INSR: variants seen among roughly 807,000 people sequenced by gnomAD.
The protein encoded by INSR is IR.
In INSR, 67 loss-of-function variants were observed where a neutral mutation model predicts 142.6. The ratio of observed to expected loss-of-function variants is 0.47; its 90% CI spans 0.39 to 0.58. The LOEUF (loss-of-function observed/expected upper bound fraction) is 0.58. Ranked by LOEUF, INSR falls within the 20% of genes least tolerant of loss-of-function variation. The pLI is 0.00. For synonymous variants in INSR, 756 were observed against 743.1 expected, an observed-to-expected ratio of 1.02 and a Z score of -0.28; for missense variants, 1,248 against 1,833.2, an observed-to-expected ratio of 0.68 and a Z score of 5.83.
chr19:7,157,501 G>A (rs906348798), intron 9 of INSR, among the ~76,000 whole-genome samples: 117 of 144,996 alleles, frequency 8.1e-4, no homozygotes, highest in African/African-American at 2.9e-3. Flanking sequence ...GAGCTCGAAC[G>A]ATCTGCCCGC....
Position 7,234,709 on chromosome 19 carries a change from A to T in INSR, c.652+32636T>A, listed in dbSNP as rs371286107. Among the ~76,000 whole-genome samples the T allele has an allele frequency of 2.3e-4, 35 of 152,242 alleles. 1 individual carries two copies. Among genetic ancestry groups the T allele is most frequent in the African/African-American group, 8.4e-4 (35 of 41,558 alleles). On this transcript the variant is annotated intron_variant, in intron 2 of 21. Coordinates refer to ENST00000302850, the MANE Select transcript of INSR (RefSeq NM_000208.4). ...GGATCTAAGGAGGAGATTTCAAAAC[A>T]CTGCTTTTCATATCCTCCCATCATG...
At chr19:7,161,652 C>T (rs575626408) in intron 9 of INSR, among the ~76,000 whole-genome samples, 27 of 152,148 alleles carry the variant, frequency 1.8e-4, no homozygotes, top group Non-Finnish European at 3.5e-4. Flanking sequence ...AAATCCTTCC[C>T]TGACTTTGTC....
At chr19:7,140,270 C>T (rs1350563582) in intron 13 of INSR, among the ~76,000 whole-genome samples, 1 of 152,176 alleles carries the variant, frequency 6.6e-6, no homozygotes, top group Non-Finnish European at 1.5e-5. Flanking sequence ...AGACATTTTG[C>T]TGTAATCTCT....
rs747674645 is a variant in INSR at position 7,125,021 on chromosome 19, G to T, written c.3258+262C>A. ...AGAAAATGATGGAAGATTCCAGAAA[G>T]TGATGAAAGATTCTGGAAAGCAATG... is the stretch of plus-strand genomic sequence containing the variant. On this transcript the variant is annotated intron_variant, in intron 17 of 21. Transcript: ENST00000302850. The surrounding 1 kb of genome is among the most constrained non-coding windows in gnomAD (Gnocchi z 4.9). 2.0e-5 allele frequency among the ~76,000 whole-genome samples: 3 copies of T among 152,104 alleles called. No individual in the cohort carries two copies. The highest frequency in any genetic ancestry group is 4.4e-5 in the Non-Finnish European group (3 of 68,018).
chr19:7,141,798 A>G lies in INSR; in HGVS notation c.2561T>C (p.Val854Ala). The G allele has an allele frequency of 1.2e-6, 2 of 1,614,170 alleles. No individual in the cohort carries two copies. Among genetic ancestry groups the G allele is most frequent in the Non-Finnish European group, 1.7e-6 (2 of 1,179,996 alleles). The part of the protein sequence containing the change: ...TMPEAKADDI[V>A]GPVTHEIFEN... ...AAAGATTTCATGCGTCACAGGGCCAACAATGTCATCAGCCTTGGCTGTAAG... is the reference window on the plus strand; with the variant it reads ...AAAGATTTCATGCGTCACAGGGCCAGCAATGTCATCAGCCTTGGCTGTAAG... Residue 854 changes from valine to alanine, a missense_variant, in exon 13 of 22, where the codon GTT (valine) becomes GCT (alanine). Physicochemically the swap from Val to Ala is moderately conservative, Grantham distance 64. Around this residue, in one of 3 missense-constraint regions of INSR, gnomAD observed 1,069 missense variants for 1,654.0 expected, o/e 0.65. Transcript: ENST00000302850.
intron 1 of INSR, among the ~76,000 whole-genome samples, chr19:7,291,704 T>C (rs1205127001): frequency 6.6e-6 from 1 of 152,082 alleles, no homozygotes; most frequent in Non-Finnish European, 1.5e-5. Context: ...AGATCCACAA[T>C]TAATTACCAA....
At chr19:7,260,880 C>CTTT (rs10628444) in intron 2 of INSR, among the ~76,000 whole-genome samples, 9,336 of 144,430 alleles carry the variant, frequency 0.065, 368 homozygotes, top group Middle Eastern at 0.13. Flanking sequence ...CAAAGAACTT[C>CTTT]TTTTTTTTTT....
At chr19:7,123,800 G>C (rs933475582) in intron 17 of INSR, among the ~76,000 whole-genome samples, 2 of 151,970 alleles carry the variant, frequency 1.3e-5, no homozygotes, top group African/African-American at 4.8e-5. Context: ...GTGGGCTCCT[G>C]TTATCCCAGC....
In INSR at chr19:7,230,818, AAAAT is replaced by A. The variant is rs1975949554; in HGVS notation, c.652+36523_652+36526del. The stretch of plus-strand genomic sequence containing the variant: ...GAGACTCCATCTCAAAAATAAAAAA[AAAAT>A]AAAAAATATTAGCTCAAGGCCTCCT... On this transcript the variant is annotated intron_variant, in intron 2 of 21. Coordinates refer to ENST00000302850, the MANE Select transcript of INSR (RefSeq NM_000208.4). Among the ~76,000 whole-genome samples, 3 of 151,616 alleles carry A rather than the reference AAAAT, an allele frequency of 2.0e-5. 1 individual carries two copies. Among genetic ancestry groups the A allele is most frequent in the African/African-American group, 7.3e-5 (3 of 41,296 alleles).
chr19:7,294,096 A>C lies in INSR; in HGVS notation c.-205T>G. The C allele has an allele frequency of 3.1e-6, 1 of 317,480 alleles. No individual in the cohort carries two copies. The highest frequency in any genetic ancestry group is 4.9e-6 in the Non-Finnish European group (1 of 202,902). The allele number at this position is 317,480 out of a possible 1,614,324, so 19.7% of individuals were successfully genotyped here. ...GCGCGCGGCTTCGCCAGCTACAAATACTGAGCGGAGGCCCTTGCGGTGGTG... is the reference window on the plus strand; with the variant it reads ...GCGCGCGGCTTCGCCAGCTACAAATCCTGAGCGGAGGCCCTTGCGGTGGTG... On this transcript the variant is annotated 5_prime_UTR_variant, in exon 1 of 22. Transcript: ENST00000302850.
At position 7,143,013 on chromosome 19, in the gene INSR, T is replaced by C. The variant is rs757052315; in HGVS notation, c.2345A>G (p.Asn782Ser). The change falls in exon 12 of 22, where the codon AAC (asparagine) becomes AGC (serine). Residue 782 changes from asparagine (N) to serine (S), a missense_variant. Physicochemically the swap from Asn to Ser is conservative, Grantham distance 46 (BLOSUM62 1). Coordinates refer to ENST00000302850, the MANE Select transcript of INSR (RefSeq NM_000208.4). ...CGTGGGCACGCTGGTCGAGGAAGTG[T>C]TGGGGAAAGCTGCCACCGTGGGCAC... ...VAVPTVAAFP[N>S]TSSTSVPTSP... The C allele has an allele frequency of 1.2e-6, 2 of 1,614,096 alleles. No individual in the cohort carries two copies. Among genetic ancestry groups the C allele is most frequent in the African/African-American group, 1.3e-5 (1 of 75,012 alleles).
intron 11 of INSR, among the ~76,000 whole-genome samples, chr19:7,144,504 T>C (rs957265196): frequency 1.3e-5 from 2 of 151,978 alleles, no homozygotes; most frequent in Admixed American, 1.3e-4. Context: ...CCTGAGTTCA[T>C]GCGATTCTCC....
intron 2 of INSR, among the ~76,000 whole-genome samples, chr19:7,249,865 G>GGGCC: frequency 6.6e-6 from 1 of 152,170 alleles, no homozygotes; most frequent in South Asian, 2.1e-4. Flanking sequence ...GGTGGCAGGT[G>GGGCC]CCTGTAGTCC....
In INSR at chr19:7,134,657, C is replaced by T. The variant is rs941441932; in HGVS notation, c.2683-2340G>A. Among the ~76,000 whole-genome samples the T allele has an allele frequency of 2.0e-5, 3 of 150,984 alleles. No individual in the cohort carries two copies. In the South Asian group the frequency reaches 6.3e-4, roughly 32 times the overall value. On this transcript the variant is annotated intron_variant, in intron 13 of 21. Transcript: ENST00000302850. ...GTGTGCGCCTGTAATCCCAGCTACT[C>T]GAGAGGCTGAGGCAGGAGAATCACT...
chr19:7,182,696 T>A (rs2144982656), intron 3 of INSR, among the ~76,000 whole-genome samples: 1 of 152,216 alleles, frequency 6.6e-6, no homozygotes, highest in Non-Finnish European at 1.5e-5. Flanking sequence ...ATCTCCCGCA[T>A]CATCAGTGAG....
chr19:7,121,301 G>A (rs1247635533), intron 19 of INSR, among the ~76,000 whole-genome samples: 2 of 151,886 alleles, frequency 1.3e-5, no homozygotes, highest in African/African-American at 4.8e-5. Flanking sequence ...ACCTGGCCAG[G>A]AGATGTCTTT....
In INSR at chr19:7,116,969, G is replaced by A. The variant is rs749041393; in HGVS notation, c.*87C>T. 214 of 1,003,594 alleles carry A rather than the reference G, an allele frequency of 2.1e-4. 3 individuals are homozygous for A. The highest frequency in any genetic ancestry group is 3.2e-5 in the African/African-American group (2 of 63,122). 62.2% of individuals were successfully genotyped at this position (1,003,594 alleles called of 1,614,324 possible). A position where few individuals can be genotyped will look rare whatever the true frequency, so the allele number is the denominator to read the frequency against. On this transcript the variant is annotated 3_prime_UTR_variant, in exon 22 of 22. Transcript: ENST00000302850. ...GAACTCCATTGGACATGGTAGAGTCGTGAGAATCCTGAGTTTTCCAGAGGC... is the reference window on the plus strand; with the variant it reads ...GAACTCCATTGGACATGGTAGAGTCATGAGAATCCTGAGTTTTCCAGAGGC...
intron 1 of INSR, among the ~76,000 whole-genome samples, chr19:7,276,404 G>C (rs568153144): frequency 1.3e-5 from 2 of 152,092 alleles, no homozygotes; most frequent in East Asian, 3.9e-4. Flanking sequence ...CGGCCTCCCA[G>C]TGTGCTGGGA....
chr19:7,197,480 A>C lies in INSR; in HGVS notation c.653-12843T>G, dbSNP rs149901404. Among the ~76,000 whole-genome samples the C allele has an allele frequency of 1.4e-3, 212 of 148,416 alleles. 6 individuals carry two copies. The East Asian group carries it at 0.03, about 21-fold the overall frequency. On this transcript the variant is annotated intron_variant, in intron 2 of 21. Coordinates refer to ENST00000302850, the MANE Select transcript of INSR (RefSeq NM_000208.4). ...GTCCCAGGGGTCTCCTCGCTAGAGC[A>C]GCCCCAGGATTGGCAGGTTCCAGAG...
Sources: gnomAD v4.1 joint callset for allele counts (sites outside exome capture counted in the v4.1 genomes callset) on GRCh38, gnomAD v4.1.1 for gene constraint, gnomAD v4.1.1 regional missense constraint, Gnocchi (gnomAD v3.1) non-coding constraint, MANE v1.5 for transcripts, NCBI Gene and HGNC (gene_info 2026-07-23, HGNC 2026-07-21) for gene names.